The following LIPC variants were observed in gnomAD, a reference collection of about 807,000 sequenced individuals.
The protein encoded by LIPC is hepatic triacylglycerol lipase.
LIPC carries 44 observed loss-of-function variants against 50.7 expected under a neutral mutation model. The ratio of observed to expected loss-of-function variants is 0.87; its 90% confidence interval spans 0.68 to 1.11. The LOEUF is 1.11. Among genes scored for constraint, LIPC ranks in the 50% most tolerant of loss-of-function variants. The pLI is 0.00. For missense variants in LIPC, 697 were observed against 648.2 expected (o/e 1.08, Z -0.82); for synonymous variants, 271 against 256.4 (o/e 1.06, Z -0.54).
chr15:58,473,373 A>T (rs914639621), intron 1 of LIPC, among the ~76,000 whole-genome samples: 2 of 152,182 alleles, frequency 1.3e-5, no homozygotes, highest in African/African-American at 4.8e-5. Flanking sequence ...GTGGTGAGGA[A>T]AGCAAAACTG....
At chr15:58,434,992 C>T (rs1443090389) in intron 1 of LIPC, 1 of 152,190 alleles carries the variant, frequency 6.6e-6, no homozygotes, top group Non-Finnish European at 1.5e-5. Flanking sequence ...CACACGTTTC[C>T]TCTCTTAAAA....
chr15:58,521,465 C>T (rs1424005952), intron 1 of LIPC: 1 of 152,142 alleles, frequency 6.6e-6, no homozygotes, highest in Non-Finnish European at 1.5e-5. Flanking sequence ...AGGTTGAGGG[C>T]TAAGGTGTAG....
intron 1 of LIPC, among the ~76,000 whole-genome samples, chr15:58,519,135 G>A (rs747077089): frequency 3.3e-5 from 5 of 152,078 alleles, no homozygotes; most frequent in Admixed American, 1.3e-4. Context: ...TCAGCCAAGC[G>A]CAGTGGCTCA....
chr15:58,540,475 G>A (rs755006095), intron 2 of LIPC, among the ~76,000 whole-genome samples: 1 of 152,090 alleles, frequency 6.6e-6, no homozygotes, highest in Admixed American at 6.5e-5. Flanking sequence ...CTTGCCCAAG[G>A]TTACTCAGCT....
At chr15:58,479,455 A>C (rs1043517000) in intron 1 of LIPC, among the ~76,000 whole-genome samples, 2 of 152,252 alleles carry the variant, frequency 1.3e-5, no homozygotes, top group Admixed American at 1.3e-4. Flanking sequence ...TCAGGCAATT[A>C]GCAGTGTTTG....
At chr15:58,544,206 G>C (rs1052126459) in intron 4 of LIPC, among the ~76,000 whole-genome samples, 1 of 152,062 alleles carries the variant, frequency 6.6e-6, no homozygotes, top group African/African-American at 2.4e-5. Flanking sequence ...CACACCCAGC[G>C]AGGCAGCCTC....
chr15:58,501,284 C>G (rs2140837461), intron 1 of LIPC, among the ~76,000 whole-genome samples: 1 of 151,876 alleles, frequency 6.6e-6, no homozygotes, highest in South Asian at 2.1e-4. Context: ...GGTGGCTCAG[C>G]CTATGTATAT....
chr15:58,528,286 A>G (rs1219286653), intron 1 of LIPC, among the ~76,000 whole-genome samples: 1 of 152,118 alleles, frequency 6.6e-6, no homozygotes, highest in African/African-American at 2.4e-5. Flanking sequence ...TTCCCAGGTC[A>G]CCTCTGCTCT....
At chr15:58,477,246 A>G (rs1402686289) in intron 1 of LIPC, among the ~76,000 whole-genome samples, 3 of 152,156 alleles carry the variant, frequency 2.0e-5, no homozygotes, top group African/African-American at 7.2e-5. Context: ...GTCTGCCAAG[A>G]TATGTCTTTG....
In LIPC at chr15:58,500,013, G is replaced by C. The variant is rs986704379; in HGVS notation, c.89-38320G>C. On this transcript the variant is annotated intron_variant, in intron 1 of 8. Coordinates refer to ENST00000299022, the MANE Select transcript of LIPC (RefSeq NM_000236.3). ...CTTGTGTCCAGCTGGAGTAAGGAGAGTAAGGTATAGCAGAGACAGGACAAA... is the reference window on the plus strand; with the variant it reads ...CTTGTGTCCAGCTGGAGTAAGGAGACTAAGGTATAGCAGAGACAGGACAAA... Among the ~76,000 whole-genome samples the C allele has an allele frequency of 2.0e-5, 3 of 152,174 alleles. No individual in the cohort carries two copies. In the East Asian group the frequency reaches 5.8e-4, roughly 29 times the overall value.
chr15:58,501,858 C>T (rs1310602498), intron 1 of LIPC, among the ~76,000 whole-genome samples: 1 of 152,126 alleles, frequency 6.6e-6, no homozygotes, highest in South Asian at 2.1e-4. Flanking sequence ...TGCCTCTCCA[C>T]CCTTCAGGAA....
chr15:58,441,922 T>G (rs1595849144), intron 1 of LIPC, among the ~76,000 whole-genome samples: 1 of 152,064 alleles, frequency 6.6e-6, no homozygotes. Flanking sequence ...ATGTGGAGGG[T>G]CTGTGCTGCA....
At chr15:58,438,345 C>T (rs1326349985) in intron 1 of LIPC, among the ~76,000 whole-genome samples, 1 of 152,152 alleles carries the variant, frequency 6.6e-6, no homozygotes, top group East Asian at 1.9e-4. Flanking sequence ...CCACGGGCTC[C>T]ACGTAGAACA....
intron 8 of LIPC, among the ~76,000 whole-genome samples, chr15:58,567,005 C>T (rs1566954824): frequency 6.6e-6 from 1 of 151,466 alleles, no homozygotes; most frequent in Non-Finnish European, 1.5e-5. Context: ...GTTGTGGACA[C>T]CAGATGTATA....
intron 1 of LIPC, chr15:58,533,157 G>A (rs1221768806): frequency 1.0e-6 from 1 of 985,244 alleles, no homozygotes; most frequent in East Asian, 1.1e-4. Context: ...TACCTCTTCT[G>A]AAGACATGAG....
At chr15:58,442,311 AC>A (rs1387810188) in intron 1 of LIPC, among the ~76,000 whole-genome samples, 1 of 152,128 alleles carries the variant, frequency 6.6e-6, no homozygotes, top group Non-Finnish European at 1.5e-5. Context: ...TAAGCATGTG[AC>A]CTTTTACCCT....
intron 1 of LIPC, among the ~76,000 whole-genome samples, chr15:58,483,901 T>C (rs924103482): frequency 6.6e-6 from 1 of 152,224 alleles, no homozygotes; most frequent in Non-Finnish European, 1.5e-5. Flanking sequence ...GGGGGCATTT[T>C]AAAGTGACTT....
chr15:58,565,696 T>C, intron 8 of LIPC: 1 of 1,001,026 alleles, frequency 1.0e-6, no homozygotes. Flanking sequence ...TTTCCAACAG[T>C]TCCTTCTTCC....
At position 58,538,153 on chromosome 15, in the gene LIPC, C is replaced by T. The variant is rs545821262; in HGVS notation, c.89-180C>T. ...CTCAACCTCCTAGGCCACCCTCCATCACTTGGCCATTCCACTGGAAACAGT... is the reference window on the plus strand; with the variant it reads ...CTCAACCTCCTAGGCCACCCTCCATTACTTGGCCATTCCACTGGAAACAGT... On this transcript the variant is annotated intron_variant, in intron 1 of 8. Transcript: ENST00000299022. Among the ~76,000 whole-genome samples the T allele has an allele frequency of 4.6e-5, 7 of 152,326 alleles. No individual in the cohort carries two copies. In the South Asian group the frequency reaches 1.4e-3, roughly 32 times the overall value.
Sources: gnomAD v4.1 joint callset for allele counts (sites outside exome capture counted in the v4.1 genomes callset) on GRCh38, gnomAD v4.1.1 for gene constraint, MANE v1.5 for transcripts, NCBI Gene and HGNC (gene_info 2026-07-23, HGNC 2026-07-21) for gene names.